MBNL2: variants seen among roughly 807,000 people sequenced by gnomAD.
MBNL2 encodes muscleblind-like protein 2.
In MBNL2, 17 loss-of-function variants were observed where a neutral mutation model predicts 41.9. The observed-to-expected ratio is 0.41, with a 90% CI of 0.28 to 0.61. The LOEUF is 0.61. Ranked by LOEUF, MBNL2 falls within the 20% of genes least tolerant of loss-of-function variation. MBNL2 has a pLI of 0.35. For synonymous variants in MBNL2, 195 were observed against 182.9 expected (o/e 1.07, Z -0.53); for missense variants, 336 against 505.6 (o/e 0.66, Z 3.22).
intron 1 of MBNL2, among the ~76,000 whole-genome samples, chr13:97,272,681 G>A (rs1364072718): frequency 2.0e-5 from 3 of 152,166 alleles, no homozygotes; most frequent in Non-Finnish European, 4.4e-5. Flanking sequence ...GACAAATAGG[G>A]TGTGATCTCA....
At chr13:97,188,649 A>G in the MBNL2 span, among the ~76,000 whole-genome samples, 1 of 14,632 alleles carries the variant, frequency 6.8e-5, no homozygotes, top group East Asian at 8.3e-4. Context: ...AGAGAAAGGA[A>G]AAAAAAAAAA....
intron 3 of MBNL2, among the ~76,000 whole-genome samples, chr13:97,335,805 T>G (rs185410593): frequency 6.6e-6 from 1 of 152,328 alleles, no homozygotes; most frequent in Non-Finnish European, 1.5e-5. Flanking sequence ...TCTGAATATA[T>G]TTAATCCCCA....
At chr13:97,326,436 T>C (rs1331347648) in intron 2 of MBNL2, among the ~76,000 whole-genome samples, 1 of 152,218 alleles carries the variant, frequency 6.6e-6, no homozygotes, top group Non-Finnish European at 1.5e-5. Flanking sequence ...CATTAATAAG[T>C]ACAAAATGTT....
intron 1 of MBNL2, among the ~76,000 whole-genome samples, chr13:97,255,439 G>A (rs544104525): frequency 1.3e-5 from 2 of 152,106 alleles, no homozygotes; most frequent in African/African-American, 2.4e-5. Flanking sequence ...AGCCACTCAC[G>A]TCTGAGTATG....
rs146570495 is a variant in MBNL2, at chr13:97,277,931, C to T, written c.174+1522C>T. ...TAAAACAAGTCTGTATTTGCCTCTA[C>T]GATTATCAGCAATAGAAACATTCAC... On this transcript the variant is annotated intron_variant, in intron 2 of 8. Coordinates refer to ENST00000679496, the MANE Select transcript of MBNL2 (RefSeq NM_001382683.1). Among the ~76,000 whole-genome samples, 687 of 152,146 alleles carry T rather than the reference C, an allele frequency of 4.5e-3. 6 individuals carry two copies. The highest frequency in any genetic ancestry group is 0.016 in the African/African-American group (651 of 41,494).
At chr13:97,371,320 T>G (rs1419917987) in intron 8 of MBNL2, among the ~76,000 whole-genome samples, 2 of 152,152 alleles carry the variant, frequency 1.3e-5, no homozygotes, top group Non-Finnish European at 2.9e-5. Context: ...TGAACATCTC[T>G]CTCCTCCTCC....
chr13:97,301,049 T>G lies in MBNL2; in HGVS notation c.174+24640T>G, dbSNP rs1032267908. ...AACAAGGGCAGTTGATGTGCCTGAG[T>G]TAGTGGTAAAGCTATTAAGCTAAGT... On this transcript the variant is annotated intron_variant, in intron 2 of 8. Coordinates refer to ENST00000679496, the MANE Select transcript of MBNL2 (RefSeq NM_001382683.1). Among the ~76,000 whole-genome samples, 5 of 152,230 alleles carry G rather than the reference T, an allele frequency of 3.3e-5. No individual in the cohort carries two copies. The South Asian group carries it at 8.3e-4, about 25-fold the overall frequency.
At chr13:97,352,065 A>AAATAAATAAAT (rs1566435699) in intron 5 of MBNL2, among the ~76,000 whole-genome samples, 2 of 145,388 alleles carry the variant, frequency 1.4e-5, no homozygotes, top group African/African-American at 2.6e-5. Flanking sequence ...AATAAATAAT[A>AAATAAATAAAT]AATAAATAAA....
chr13:97,243,659 C>A (rs982936086), intron 1 of MBNL2, among the ~76,000 whole-genome samples: 2 of 152,194 alleles, frequency 1.3e-5, no homozygotes, highest in African/African-American at 2.4e-5. Flanking sequence ...CATCTATAAG[C>A]TAAAACTAAT....
the MBNL2 span, among the ~76,000 whole-genome samples, chr13:97,175,684 A>C: frequency 6.6e-6 from 1 of 152,164 alleles, no homozygotes; most frequent in Non-Finnish European, 1.5e-5. Flanking sequence ...GGTAATTACA[A>C]ACTTGTATTG....
chr13:97,194,970 C>T, the MBNL2 span, among the ~76,000 whole-genome samples: 2 of 152,172 alleles, frequency 1.3e-5, no homozygotes, highest in Non-Finnish European at 2.9e-5. Flanking sequence ...ATAAAAATAG[C>T]CAATCAGCAG....
At position 97,334,323 on chromosome 13, in the gene MBNL2, C is replaced by T. The variant is rs2060699231; in HGVS notation, c.222C>T (p.His74=). 17 of 1,613,526 alleles carry T rather than the reference C, an allele frequency of 1.1e-5. No individual in the cohort carries two copies. Among genetic ancestry groups the T allele is most frequent in the Non-Finnish European group, 1.2e-5 (14 of 1,179,770 alleles). The change falls in exon 3 of 9, where the codon CAC becomes CAT. Residue 74 remains histidine (H), a synonymous_variant. Transcript: ENST00000679496. This position sits in a 1 kb window ranked among gnomAD's most constrained non-coding sequence, Gnocchi z 5.3. ...ENCKYLHPPT[H]LKTQLEINGR... is the part of the protein sequence containing the mutation. ...GCAAGTATCTTCACCCTCCGACACA[C>T]TTAAAAACTCAACTAGAAATTAATG... is the stretch of plus-strand genomic sequence containing the variant.
At chr13:97,156,008 C>G in the MBNL2 span, among the ~76,000 whole-genome samples, 1 of 116,000 alleles carries the variant, frequency 8.6e-6, no homozygotes, top group Non-Finnish European at 1.8e-5. Flanking sequence ...TTTACAGTCC[C>G]ACCAACAGTG....
At chr13:97,161,021 G>A in the MBNL2 span, among the ~76,000 whole-genome samples, 32 of 152,142 alleles carry the variant, frequency 2.1e-4, 1 homozygote, top group Non-Finnish European at 4.1e-4. Flanking sequence ...AACAGCATCA[G>A]TTCACCTGGA....
intron 1 of MBNL2, among the ~76,000 whole-genome samples, chr13:97,234,445 G>C (rs908505907): frequency 5.9e-5 from 9 of 152,166 alleles, no homozygotes; most frequent in African/African-American, 2.2e-4. Flanking sequence ...ATAAGAGAAA[G>C]AGGTGGGGCT....
chr13:97,354,815 G>A (rs1402505451), intron 5 of MBNL2, among the ~76,000 whole-genome samples: 1 of 152,140 alleles, frequency 6.6e-6, no homozygotes, highest in Non-Finnish European at 1.5e-5. Context: ...CCCATTAGTG[G>A]ATTCATTCTG....
At chr13:97,379,846 A>C (rs2065275948) in intron 8 of MBNL2, among the ~76,000 whole-genome samples, 1 of 152,182 alleles carries the variant, frequency 6.6e-6, no homozygotes. Context: ...AGGTGAATGG[A>C]GTTAATGCCA....
chr13:97,174,498 G>T, the MBNL2 span, among the ~76,000 whole-genome samples: 1 of 152,244 alleles, frequency 6.6e-6, no homozygotes, highest in Admixed American at 6.5e-5. Context: ...AAAAGAGGAT[G>T]GATAAGTGGT....
At chr13:97,384,586 A>T (rs1233329500) in intron 8 of MBNL2, among the ~76,000 whole-genome samples, 1 of 152,168 alleles carries the variant, frequency 6.6e-6, no homozygotes, top group Non-Finnish European at 1.5e-5. Flanking sequence ...GCTAACAGAG[A>T]GTGGGAAGAA....
Sources: gnomAD v4.1 joint callset for allele counts (sites outside exome capture counted in the v4.1 genomes callset) on GRCh38, gnomAD v4.1.1 for gene constraint, Gnocchi (gnomAD v3.1) non-coding constraint, MANE v1.5 for transcripts, NCBI Gene and HGNC (gene_info 2026-07-23, HGNC 2026-07-21) for gene names.